ABCB5: variants seen among roughly 807,000 people sequenced by gnomAD.
ABCB5 encodes the protein ATP binding cassette subfamily B member 5, also known as ATP-binding cassette sub-family B member 5.
Under a neutral mutation model 144.2 loss-of-function variants are expected in ABCB5, and 155 were observed. That is an observed-to-expected ratio of 1.08 (90% confidence interval 0.94 to 1.23). The LOEUF (loss-of-function observed/expected upper bound fraction) is 1.23. Ranked by LOEUF, ABCB5 falls within the 50% of genes most tolerant of loss-of-function variation. The probability of loss-of-function intolerance (pLI) is 0.00; values close to 1 mark genes in which losing one functional copy is unlikely to be tolerated. For missense variants in ABCB5, 1,830 were observed against 1,520.8 expected (o/e 1.20, Z -3.38); for synonymous variants, 610 against 528.6 (o/e 1.15, Z -2.11).
chr7:20,740,132 C>G (rs932939599), intron 24 of ABCB5, among the ~76,000 whole-genome samples: 1 of 151,928 alleles, frequency 6.6e-6, no homozygotes. Context: ...CCCAGCTACT[C>G]GGGAGGGCGA....
At chr7:20,719,967 A>G in intron 20 of ABCB5, among the ~76,000 whole-genome samples, 1 of 152,014 alleles carries the variant, frequency 6.6e-6, no homozygotes, top group African/African-American at 2.4e-5. Flanking sequence ...ACACACACAC[A>G]CACACATTCT....
intron 2 of ABCB5, among the ~76,000 whole-genome samples, chr7:20,624,533 A>G (rs1433485537): frequency 6.6e-6 from 1 of 152,216 alleles, no homozygotes; most frequent in Non-Finnish European, 1.5e-5. Context: ...TGGAGAGAAT[A>G]GGAGAAAACA....
intron 23 of ABCB5, among the ~76,000 whole-genome samples, chr7:20,736,826 A>C (rs1011921237): frequency 3.3e-5 from 5 of 151,774 alleles, no homozygotes; most frequent in Non-Finnish European, 7.4e-5. Flanking sequence ...GTAGCAGACC[A>C]GTTTTTTCCA....
chr7:20,738,168 C>G (rs1782449189), intron 23 of ABCB5, among the ~76,000 whole-genome samples: 1 of 152,208 alleles, frequency 6.6e-6, no homozygotes, highest in South Asian at 2.1e-4. Context: ...GCCAGCGACA[C>G]TGGTCCAGTT....
At chr7:20,699,950 C>A in intron 18 of ABCB5, 21 bp downstream of exon 18, 2 of 1,601,260 alleles carry the variant, frequency 1.2e-6, no homozygotes, top group Non-Finnish European at 1.7e-6. Context: ...AATAAACAAG[C>A]CTGAGCATGA....
intron 14 of ABCB5, among the ~76,000 whole-genome samples, chr7:20,664,240 C>G (rs1328483003): frequency 6.6e-6 from 1 of 152,040 alleles, no homozygotes; most frequent in African/African-American, 2.4e-5. Context: ...CACAACTAGC[C>G]TTTTTTGGAA....
intron 14 of ABCB5, among the ~76,000 whole-genome samples, chr7:20,668,729 T>A (rs1284568918): frequency 1.5e-5 from 2 of 136,488 alleles, no homozygotes; most frequent in African/African-American, 2.9e-5. Flanking sequence ...GGTGGGGGGG[T>A]CAGCCCCCCG....
At chr7:20,711,773 T>C (rs1787045889) in intron 20 of ABCB5, among the ~76,000 whole-genome samples, 1 of 61,124 alleles carries the variant, frequency 1.6e-5, no homozygotes, top group Non-Finnish European at 2.8e-5. Flanking sequence ...TGCCTTTCCT[T>C]CTTTCTCTTT....
chr7:20,755,625 T>C lies in ABCB5; in HGVS notation c.*1T>C, dbSNP rs779617009. 1.2e-6 allele frequency: 2 copies of C among 1,613,564 alleles called. No individual in the cohort carries two copies. The highest frequency in any genetic ancestry group is 1.7e-5 in the Admixed American group (1 of 60,028). On this transcript the variant is annotated 3_prime_UTR_variant, in exon 28 of 28. Transcript: ENST00000404938. Reference sequence around the variant, plus strand: ...AGTGAATGCACAGTCAGTGCAGTGATGCTGTTGAGGTAGCACATATTTTGA... The same window carrying C: ...AGTGAATGCACAGTCAGTGCAGTGACGCTGTTGAGGTAGCACATATTTTGA...
intron 23 of ABCB5, among the ~76,000 whole-genome samples, chr7:20,731,369 A>AAAAAAAAAAAAAAAATATAT (rs57305244): frequency 1.6e-4 from 20 of 123,098 alleles, no homozygotes; most frequent in African/African-American, 6.3e-4. Flanking sequence ...AAAAAAAAAA[A>AAAAAAAAAAAAAAAATATAT]ATATATATAT....
chr7:20,632,099 T>C lies in ABCB5; in HGVS notation c.300T>C (p.Asn100=). 6.5e-7 allele frequency: 1 copy of C among 1,527,272 alleles called. No homozygotes were observed. Among genetic ancestry groups the C allele is most frequent in the South Asian group, 1.2e-5 (1 of 80,112 alleles). The allele number at this position is 1,527,272 out of a possible 1,614,324, so 94.6% of individuals were successfully genotyped here. A position where few individuals can be genotyped will look rare whatever the true frequency, so the allele number is the denominator to read the frequency against. The change falls in exon 5 of 28, where the codon AAT becomes AAC. Residue 100 remains asparagine (N), a synonymous_variant. Coordinates refer to ENST00000404938, the MANE Select transcript of ABCB5 (RefSeq NM_001163941.2). Reference sequence around the variant, plus strand: ...GTACTCAGTCTCAAGAGAAGCTGAATGAAGATATGACTCTGTAAGTCCAAA... The same window carrying C: ...GTACTCAGTCTCAAGAGAAGCTGAACGAAGATATGACTCTGTAAGTCCAAA... ...QNCTQSQEKL[N]EDMTLLTLYY...
intron 14 of ABCB5, chr7:20,659,613 C>A (rs1279811752): frequency 1.0e-5 from 10 of 990,732 alleles, no homozygotes; most frequent in Non-Finnish European, 1.2e-5. Flanking sequence ...TCTTTGTTTA[C>A]TGTGGACACT....
In ABCB5 at chr7:20,628,794, T is replaced by C; in HGVS notation, c.215T>C (p.Met72Thr). The C allele has an allele frequency of 6.2e-7, 1 of 1,613,790 alleles. No individual in the cohort carries two copies. The highest frequency in any genetic ancestry group is 8.5e-7 in the Non-Finnish European group (1 of 1,179,808). The change falls in exon 4 of 28, where the codon ATG (methionine) becomes ACG (threonine). Residue 72 changes from methionine to threonine, a missense_variant. Coordinates refer to ENST00000404938, the MANE Select transcript of ABCB5 (RefSeq NM_001163941.2). ...TTAATGCCACTGGTTTTAGGAGAAA[T>C]GAGTGATAACCTTATTAGTGGATGT... ...LPLMPLVLGE[M>T]SDNLISGCLV...
At chr7:20,661,318 G>A (rs1275578519) in intron 14 of ABCB5, among the ~76,000 whole-genome samples, 6 of 152,088 alleles carry the variant, frequency 3.9e-5, no homozygotes, top group South Asian at 2.1e-4. Flanking sequence ...AACACACAAC[G>A]TATATGTTTG....
At chr7:20,725,799 A>G (rs1322879847) in intron 21 of ABCB5, among the ~76,000 whole-genome samples, 1 of 151,652 alleles carries the variant, frequency 6.6e-6, no homozygotes. Context: ...ATTCTTATCC[A>G]TTTTCTTCAT....
chr7:20,663,571 T>G (rs1024905607), intron 14 of ABCB5, among the ~76,000 whole-genome samples: 3 of 152,106 alleles, frequency 2.0e-5, no homozygotes, highest in African/African-American at 7.2e-5. Context: ...GAGCGGTTAC[T>G]AGGGGCTTGG....
chr7:20,637,675 C>T (rs1784195184), intron 5 of ABCB5, among the ~76,000 whole-genome samples: 2 of 152,172 alleles, frequency 1.3e-5, no homozygotes, highest in African/African-American at 4.8e-5. Context: ...CCACCTCGGA[C>T]TCCCAAAGTG....
At chr7:20,636,015 A>G (rs1007557388) in intron 5 of ABCB5, among the ~76,000 whole-genome samples, 8 of 152,204 alleles carry the variant, frequency 5.3e-5, no homozygotes, top group African/African-American at 1.9e-4. Context: ...GCTGCCATAC[A>G]GTACAGCATA....
chr7:20,619,737 G>A (rs975743001), intron 1 of ABCB5, among the ~76,000 whole-genome samples: 62 of 152,240 alleles, frequency 4.1e-4, no homozygotes, highest in African/African-American at 1.3e-3. Context: ...AGGATAGGCT[G>A]TATATTCTTT....
Sources: allele counts gnomAD v4.1 joint callset (sites outside exome capture counted in the v4.1 genomes callset), GRCh38; gene constraint gnomAD v4.1.1; transcripts MANE v1.5; gene names NCBI Gene and HGNC (gene_info 2026-07-23, HGNC 2026-07-21).